PDE10A: variants seen among roughly 807,000 people sequenced by gnomAD.
PDE10A encodes phosphodiesterase 10A.
In PDE10A, 39 loss-of-function variants were observed where a neutral mutation model predicts 97.7. The ratio of observed to expected loss-of-function variants is 0.40; its 90% CI spans 0.31 to 0.52. PDE10A has a LOEUF of 0.52. PDE10A is among the 20% of genes least tolerant of loss of function. PDE10A has a pLI of 0.56. For missense variants in PDE10A, 731 were observed against 1,047.8 expected, an observed-to-expected ratio of 0.70 and a Z score of 4.17; for synonymous variants, 371 against 376.8, an observed-to-expected ratio of 0.98 and a Z score of 0.18.
At chr6:165,759,770 C>A (rs1793208336) in intron 1 of PDE10A, among the ~76,000 whole-genome samples, 1 of 152,174 alleles carries the variant, frequency 6.6e-6, no homozygotes, top group Non-Finnish European at 1.5e-5. Flanking sequence ...GTGGAAAACC[C>A]CACCCAAAGT....
intron 13 of PDE10A, among the ~76,000 whole-genome samples, chr6:165,409,058 G>A (rs1271471195): frequency 3.4e-5 from 5 of 149,002 alleles, no homozygotes; most frequent in African/African-American, 9.9e-5. Context: ...CCAGCTACTC[G>A]GGAGGCTGAG....
intron 16 of PDE10A, among the ~76,000 whole-genome samples, chr6:165,392,185 G>T (rs1199377271): frequency 6.6e-6 from 1 of 152,184 alleles, no homozygotes; most frequent in Non-Finnish European, 1.5e-5. Context: ...CTAACTCTGG[G>T]TATTTAAAGT....
At chr6:165,717,530 G>A (rs1266996597) in intron 1 of PDE10A, among the ~76,000 whole-genome samples, 5 of 151,674 alleles carry the variant, frequency 3.3e-5, no homozygotes, top group African/African-American at 4.8e-5. Flanking sequence ...GTTGTAGTGA[G>A]CCTAGATCAT....
intron 1 of PDE10A, among the ~76,000 whole-genome samples, chr6:165,883,482 G>A (rs1235450477): frequency 6.6e-6 from 1 of 151,620 alleles, no homozygotes; most frequent in Non-Finnish European, 1.5e-5. Context: ...GTGGGAGGCA[G>A]TGAGCTAAGA....
At chr6:165,943,019 C>G (rs1783585095) in intron 1 of PDE10A, among the ~76,000 whole-genome samples, 1 of 151,300 alleles carries the variant, frequency 6.6e-6, no homozygotes, top group Non-Finnish European at 1.5e-5. Flanking sequence ...AGACAAGGAG[C>G]CACACCCACC....
intron 1 of PDE10A, among the ~76,000 whole-genome samples, chr6:165,570,525 G>A (rs895577703): frequency 4.6e-5 from 7 of 152,216 alleles, no homozygotes; most frequent in East Asian, 3.9e-4. Flanking sequence ...AGAAAACAGC[G>A]TATTTCTTTT....
In PDE10A at chr6:165,733,249, A is replaced by G. The variant is rs561337163; in HGVS notation, c.-614-189681T>C. On this transcript the variant is annotated intron_variant, in intron 1 of 19. Transcript: ENST00000366882. ...TAATCCAACATGGACCTATTGTATT[A>G]AAGGTATTCCCTGAAGAATATCTGC... Among the ~76,000 whole-genome samples, 4 of 152,324 alleles carry G rather than the reference A, an allele frequency of 2.6e-5. No individual in the cohort carries two copies. The South Asian group carries it at 8.3e-4, about 32-fold the overall frequency.
At chr6:165,335,177 G>C (rs1023284580) in intron 21 of PDE10A, among the ~76,000 whole-genome samples, 3 of 152,234 alleles carry the variant, frequency 2.0e-5, no homozygotes, top group African/African-American at 7.2e-5. Context: ...CTTTAAAAAG[G>C]ATAAGAATGG....
chr6:165,477,564 G>A (rs901104179), intron 3 of PDE10A, among the ~76,000 whole-genome samples: 2 of 152,118 alleles, frequency 1.3e-5, no homozygotes, highest in African/African-American at 4.8e-5. Flanking sequence ...AATACAGTAG[G>A]TTAAGATACA....
At chr6:165,954,246 A>AT (rs1329113392) in intron 1 of PDE10A, among the ~76,000 whole-genome samples, 1 of 152,190 alleles carries the variant, frequency 6.6e-6, no homozygotes, top group Non-Finnish European at 1.5e-5. Flanking sequence ...AAAGATGAAA[A>AT]TTTTTAACAA....
chr6:165,850,053 C>T (rs550703919), intron 1 of PDE10A, among the ~76,000 whole-genome samples: 1 of 152,292 alleles, frequency 6.6e-6, no homozygotes, highest in South Asian at 2.1e-4. Context: ...TTTAATCACA[C>T]GGAATCTTGA....
chr6:165,557,408 T>C (rs1784310234), intron 1 of PDE10A, among the ~76,000 whole-genome samples: 1 of 152,322 alleles, frequency 6.6e-6, no homozygotes, highest in East Asian at 1.9e-4. Flanking sequence ...TAATTTCTTA[T>C]GCCCATTTAG....
intron 1 of PDE10A, among the ~76,000 whole-genome samples, chr6:165,558,788 T>C (rs1367278182): frequency 1.3e-5 from 2 of 152,092 alleles, no homozygotes; most frequent in Non-Finnish European, 2.9e-5. Flanking sequence ...GATGAATAGT[T>C]AGATGGATAA....
intron 1 of PDE10A, among the ~76,000 whole-genome samples, chr6:165,862,692 T>C (rs1780938991): frequency 1.2e-5 from 1 of 80,520 alleles, no homozygotes; most frequent in African/African-American, 5.2e-5. Context: ...TTTTTTTTTT[T>C]TTTTTGAGAC....
chr6:165,877,469 T>G (rs1052267100), intron 1 of PDE10A, among the ~76,000 whole-genome samples: 1 of 152,230 alleles, frequency 6.6e-6, no homozygotes, highest in African/African-American at 2.4e-5. Context: ...GCCTGCCCCA[T>G]TCAGTTGTTC....
At chr6:165,535,082 G>A (rs565505807) in intron 2 of PDE10A, among the ~76,000 whole-genome samples, 1 of 151,846 alleles carries the variant, frequency 6.6e-6, no homozygotes, top group Non-Finnish European at 1.5e-5. Context: ...ACTGATACAC[G>A]AATTCAGTAA....
intron 1 of PDE10A, among the ~76,000 whole-genome samples, chr6:165,931,834 C>T (rs184738282): frequency 6.4e-4 from 97 of 152,244 alleles, no homozygotes; most frequent in Admixed American, 2.1e-3. Context: ...CAGTGTGTGG[C>T]GCCCTCCTGC....
At chr6:165,393,208 C>T (rs1025906136) in intron 15 of PDE10A, among the ~76,000 whole-genome samples, 1 of 152,126 alleles carries the variant, frequency 6.6e-6, no homozygotes, top group Non-Finnish European at 1.5e-5. Flanking sequence ...AAAGAATATT[C>T]AGACTTGCAA....
intron 1 of PDE10A, among the ~76,000 whole-genome samples, chr6:165,882,649 C>T (rs942848807): frequency 2.6e-5 from 4 of 151,868 alleles, no homozygotes; most frequent in African/African-American, 7.3e-5. Flanking sequence ...CATTTCCACA[C>T]AGTATTAGCA....
Sources: gnomAD v4.1 joint callset for allele counts (sites outside exome capture counted in the v4.1 genomes callset) on GRCh38, gnomAD v4.1.1 for gene constraint, MANE v1.5 for transcripts, NCBI Gene and HGNC (gene_info 2026-07-23, HGNC 2026-07-21) for gene names.